DAO: variants seen among roughly 807,000 people sequenced by gnomAD.
The protein encoded by DAO is D-amino acid oxidase, also known as D-amino-acid oxidase.
In DAO, 51 loss-of-function variants were observed where a neutral mutation model predicts 50.1. The observed-to-expected ratio is 1.02, with a 90% CI of 0.81 to 1.29. The LOEUF (loss-of-function observed/expected upper bound fraction) is 1.29. Ranked by LOEUF, DAO falls within the 50% of genes most tolerant of loss-of-function variation. DAO has a pLI of 0.00. For synonymous variants in DAO, 160 were observed against 166.2 expected (o/e 0.96, Z 0.29); for missense variants, 436 against 439.4 (o/e 0.99, Z 0.07).
chr12:108,897,218 T>C, intron 8 of DAO, 130 bp downstream of exon 8: 1 of 698,184 alleles, frequency 1.4e-6, no homozygotes. Flanking sequence ...TTAGCTATTT[T>C]TTATTATTAT....
Position 108,889,476 on chromosome 12 carries a change from C to G in DAO, c.317C>G (p.Ser106Cys). The change falls in exon 4 of 11, where the codon TCC becomes TGC. Residue 106 changes from serine to cysteine, a missense_variant. Ser to Cys is a moderately radical substitution (Grantham distance 112, BLOSUM62 -1). Transcript: ENST00000228476. ...TTTGTCCTTCCTCTTCAGGACCCTTCCTGGAAGGACACAGTTCTGGGATTT... is the reference window on the plus strand; with the variant it reads ...TTTGTCCTTCCTCTTCAGGACCCTTGCTGGAAGGACACAGTTCTGGGATTT... ...NLFHEAIPDP[S>C]WKDTVLGFRK... 1 of 1,611,640 alleles carries G rather than the reference C, an allele frequency of 6.2e-7. No individual in the cohort carries two copies. The highest frequency in any genetic ancestry group is 8.5e-7 in the Non-Finnish European group (1 of 1,178,536).
At chr12:108,896,417 C>G (rs1199474325) in intron 7 of DAO, among the ~76,000 whole-genome samples, 1 of 57,626 alleles carries the variant, frequency 1.7e-5, no homozygotes, top group East Asian at 1.0e-3. Context: ...GCGAGGCTGT[C>G]TCAAAAAAAA....
At chr12:108,887,929 C>G (rs116652778) in intron 3 of DAO, among the ~76,000 whole-genome samples, 159 of 152,282 alleles carry the variant, frequency 1.0e-3, no homozygotes, top group African/African-American at 3.7e-3. Context: ...GAATAAAATA[C>G]TCATCAAAGC....
intron 10 of DAO, 87 bp from the exon 11 acceptor site, chr12:108,900,317 T>G: frequency 6.5e-7 from 1 of 1,549,840 alleles, no homozygotes; most frequent in South Asian, 1.1e-5. Flanking sequence ...TTCGGGAGGC[T>G]CCTGAGTCTT....
intron 6 of DAO, among the ~76,000 whole-genome samples, 154 bp from the exon 7 acceptor site, chr12:108,894,109 T>C (rs1200684759): frequency 6.6e-6 from 1 of 152,264 alleles, no homozygotes; most frequent in East Asian, 1.9e-4. Flanking sequence ...TATGAAAATT[T>C]GAAGCCAGGC....
intron 7 of DAO, 107 bp from the exon 8 acceptor site, chr12:108,896,899 G>A: frequency 2.4e-6 from 2 of 835,996 alleles, no homozygotes; most frequent in South Asian, 1.4e-5. Flanking sequence ...GGTCTTATAA[G>A]GAATCAGCCT....
chr12:108,884,385 C>T (rs909683659), intron 1 of DAO, among the ~76,000 whole-genome samples: 12 of 152,234 alleles, frequency 7.9e-5, no homozygotes, highest in African/African-American at 2.9e-4. Flanking sequence ...GCAGCCCCTA[C>T]CTCATGACAG....
intron 8 of DAO, 52 bp from the exon 9 acceptor site, chr12:108,898,627 A>G (rs893624133): frequency 1.6e-6 from 2 of 1,234,908 alleles, no homozygotes; most frequent in Non-Finnish European, 1.2e-6. Context: ...ACCTTTATTC[A>G]TCTCAGAGCC....
intron 3 of DAO, among the ~76,000 whole-genome samples, chr12:108,888,743 T>C (rs1004696146): frequency 1.3e-5 from 2 of 152,180 alleles, no homozygotes; most frequent in Non-Finnish European, 2.9e-5. Flanking sequence ...TGTCTGACAC[T>C]ATGCTCTGTT....
At chr12:108,895,200 G>A (rs1395362560) in intron 7 of DAO, among the ~76,000 whole-genome samples, 1 of 141,796 alleles carries the variant, frequency 7.1e-6, no homozygotes, top group Non-Finnish European at 1.5e-5. Context: ...GAGCCTGTGC[G>A]TGCAAGCATT....
chr12:108,896,310 C>T (rs1446839168), intron 7 of DAO, among the ~76,000 whole-genome samples: 2 of 150,014 alleles, frequency 1.3e-5, no homozygotes, highest in Non-Finnish European at 2.9e-5. Flanking sequence ...GTAATCCCAG[C>T]TACTCGGGAG....
rs1202956940 is a variant in DAO at position 108,899,364 on chromosome 12, C to T, written c.814-13C>T. 6.2e-7 allele frequency: 1 copy of T among 1,608,758 alleles called. No homozygotes were observed. The highest frequency in any genetic ancestry group is 1.3e-5 in the African/African-American group (1 of 74,842). ...AAAATCCAGAAATGAGTGATCAGCA[C>T]TTTTCTTTCCAGAATGCAAGAATTA... On this transcript the variant is annotated splice_polypyrimidine_tract_variant and intron_variant, in intron 9 of 10. Transcript: ENST00000228476.
At chr12:108,897,362 G>A (rs76292940) in intron 8 of DAO, among the ~76,000 whole-genome samples, 1 of 152,028 alleles carries the variant, frequency 6.6e-6, no homozygotes, top group African/African-American at 2.4e-5. Flanking sequence ...GATTACAGGT[G>A]CCCACCACCA....
At chr12:108,897,681 C>T (rs2039574407) in intron 8 of DAO, among the ~76,000 whole-genome samples, 1 of 152,046 alleles carries the variant, frequency 6.6e-6, no homozygotes, top group South Asian at 2.1e-4. Flanking sequence ...ATGTAGGTGG[C>T]TCACGCCTGT....
chr12:108,885,257 G>T, intron 2 of DAO, 57 bp downstream of exon 2: 1 of 1,542,350 alleles, frequency 6.5e-7, no homozygotes. Context: ...GTCTGCAGAG[G>T]GAGTCAGGGT....
intron 1 of DAO, among the ~76,000 whole-genome samples, chr12:108,884,009 T>G (rs976456931): frequency 3.3e-5 from 5 of 152,264 alleles, no homozygotes; most frequent in Non-Finnish European, 7.3e-5. Flanking sequence ...CAAATAATTC[T>G]CTTGTTCTGC....
chr12:108,880,605 G>A (rs1442472199), intron 1 of DAO, among the ~76,000 whole-genome samples: 2 of 145,656 alleles, frequency 1.4e-5, no homozygotes, highest in East Asian at 2.0e-4. Context: ...TATAGCTTCT[G>A]TTCCATTTCA....
intron 6 of DAO, among the ~76,000 whole-genome samples, chr12:108,893,680 C>T (rs1360201570): frequency 1.3e-5 from 2 of 152,124 alleles, no homozygotes; most frequent in Admixed American, 6.6e-5. Context: ...ACAATAGTAG[C>T]GTCTTGCAAT....
intron 8 of DAO, among the ~76,000 whole-genome samples, chr12:108,898,185 G>A (rs1317801455): frequency 6.6e-6 from 1 of 152,158 alleles, no homozygotes; most frequent in Non-Finnish European, 1.5e-5. Context: ...GTAGAGTGGT[G>A]ATGTTAATGG....
Sources: allele counts gnomAD v4.1 joint callset (sites outside exome capture counted in the v4.1 genomes callset), GRCh38; gene constraint gnomAD v4.1.1; transcripts MANE v1.5; gene names NCBI Gene and HGNC (gene_info 2026-07-23, HGNC 2026-07-21).